DNAJC3: variants seen among roughly 807,000 people sequenced by gnomAD.
DNAJC3 encodes dnaJ homolog subfamily C member 3.
In DNAJC3, 38 loss-of-function variants were observed where a neutral mutation model predicts 68.6. The observed-to-expected ratio is 0.55, with a 90% CI of 0.43 to 0.73. The LOEUF (loss-of-function observed/expected upper bound fraction) is 0.73. Ranked by LOEUF, DNAJC3 falls within the 30% of genes least tolerant of loss-of-function variation. The pLI, the probability that DNAJC3 is intolerant of heterozygous loss-of-function variation, is 0.00. For missense variants in DNAJC3, 526 were observed against 591.9 expected (o/e 0.89, Z 1.16); for synonymous variants, 203 against 204.0 (o/e 1.00, Z 0.04).
At chr13:95,697,351 A>G (rs997809227) in intron 1 of DNAJC3, among the ~76,000 whole-genome samples, 10 of 152,220 alleles carry the variant, frequency 6.6e-5, no homozygotes, top group Non-Finnish European at 1.5e-4. Context: ...GTCTAAAAAG[A>G]GGCCCCAAAC....
intron 4 of DNAJC3, among the ~76,000 whole-genome samples, chr13:95,726,936 G>A (rs1881545111): frequency 6.6e-6 from 1 of 152,124 alleles, no homozygotes; most frequent in South Asian, 2.1e-4. Flanking sequence ...TAATTGTATT[G>A]GATCAGAAAC....
intron 9 of DNAJC3, among the ~76,000 whole-genome samples, chr13:95,782,887 C>G (rs1255507644): frequency 1.3e-5 from 2 of 152,108 alleles, no homozygotes; most frequent in Non-Finnish European, 2.9e-5. Context: ...AAGTCTTTGC[C>G]CATGCCTGTG....
chr13:95,728,315 T>C (rs1220833155), intron 4 of DNAJC3, among the ~76,000 whole-genome samples: 1 of 152,240 alleles, frequency 6.6e-6, no homozygotes, highest in Non-Finnish European at 1.5e-5. Flanking sequence ...CATTTTACAT[T>C]CCTCTGCATC....
chr13:95,726,901 T>C (rs961939243), intron 4 of DNAJC3, among the ~76,000 whole-genome samples: 8 of 152,250 alleles, frequency 5.3e-5, no homozygotes, highest in African/African-American at 1.7e-4. Flanking sequence ...CTGTCATCTG[T>C]GGATAAATCC....
chr13:95,752,177 G>A (rs1425235026), intron 4 of DNAJC3, among the ~76,000 whole-genome samples: 1 of 152,128 alleles, frequency 6.6e-6, no homozygotes, highest in Non-Finnish European at 1.5e-5. Context: ...GTCTAGGACA[G>A]TGGTTCTTGG....
Position 95,679,115 on chromosome 13 carries a change from G to T in DNAJC3, c.82+1778G>T, listed in dbSNP as rs571022457. On this transcript the variant is annotated intron_variant, in intron 1 of 11. Transcript: ENST00000602402. Reference sequence around the variant, plus strand: ...TTACTAAAGTTCATTTTGTGTGCACGCTGGAGACAGAAGTTAAGTAGTTGA... The same window carrying T: ...TTACTAAAGTTCATTTTGTGTGCACTCTGGAGACAGAAGTTAAGTAGTTGA... 4.0e-5 allele frequency among the ~76,000 whole-genome samples: 6 copies of T among 149,528 alleles called. No individual in the cohort carries two copies. In the South Asian group the frequency reaches 1.2e-3, roughly 31 times the overall value.
intron 4 of DNAJC3, among the ~76,000 whole-genome samples, chr13:95,737,003 C>T (rs1228306823): frequency 6.6e-6 from 1 of 151,782 alleles, no homozygotes; most frequent in South Asian, 2.1e-4. Flanking sequence ...CCATCAATAC[C>T]TAATTTATTG....
chr13:95,779,349 C>G (rs780197597), intron 9 of DNAJC3, among the ~76,000 whole-genome samples: 1 of 152,042 alleles, frequency 6.6e-6, no homozygotes, highest in Non-Finnish European at 1.5e-5. Flanking sequence ...TGGTCTCGAT[C>G]TCCTGACCTC....
At chr13:95,746,598 A>G (rs867092236) in intron 4 of DNAJC3, among the ~76,000 whole-genome samples, 4 of 152,216 alleles carry the variant, frequency 2.6e-5, no homozygotes, top group Non-Finnish European at 5.9e-5. Context: ...CAGGATTCTT[A>G]TACTTTAATT....
intron 4 of DNAJC3, among the ~76,000 whole-genome samples, chr13:95,729,617 T>A (rs1057453876): frequency 6.6e-6 from 1 of 152,078 alleles, no homozygotes; most frequent in Non-Finnish European, 1.5e-5. Context: ...CTAATTTACA[T>A]TCCTGCCAAC....
At chr13:95,707,830 T>A (rs1450604572) in intron 1 of DNAJC3, among the ~76,000 whole-genome samples, 7 of 152,142 alleles carry the variant, frequency 4.6e-5, no homozygotes, top group Non-Finnish European at 5.9e-5. Context: ...TTAGAGCTTA[T>A]TGGAGAAGGT....
intron 7 of DNAJC3, 68 bp from the exon 8 acceptor site, chr13:95,763,575 G>T: frequency 6.8e-7 from 1 of 1,461,000 alleles, no homozygotes; most frequent in Non-Finnish European, 9.4e-7. Flanking sequence ...GTGAAGAGGG[G>T]AGGAGCCTTT....
chr13:95,769,962 C>A (rs1042125769), intron 9 of DNAJC3, among the ~76,000 whole-genome samples: 1 of 152,120 alleles, frequency 6.6e-6, no homozygotes, highest in Admixed American at 6.5e-5. Context: ...GAAAAAGATA[C>A]AAGGCAGATT....
At chr13:95,766,742 T>C (rs1413115853) in intron 9 of DNAJC3, among the ~76,000 whole-genome samples, 1 of 151,700 alleles carries the variant, frequency 6.6e-6, no homozygotes, top group Non-Finnish European at 1.5e-5. Flanking sequence ...TAGCCCAGGC[T>C]GGAGTGCAGT....
At chr13:95,695,754 T>C (rs1880421512) in intron 1 of DNAJC3, 2 of 152,236 alleles carry the variant, frequency 1.3e-5, no homozygotes, top group South Asian at 4.1e-4. Context: ...AAACCAGAAA[T>C]GGAGAGTCTC....
At chr13:95,719,841 T>C (rs1380309321) in intron 2 of DNAJC3, among the ~76,000 whole-genome samples, 1 of 152,214 alleles carries the variant, frequency 6.6e-6, no homozygotes, top group Non-Finnish European at 1.5e-5. Flanking sequence ...TTATACACAG[T>C]CCTCTGTGGA....
chr13:95,710,198 G>C (rs909611139), intron 2 of DNAJC3, among the ~76,000 whole-genome samples: 2 of 150,900 alleles, frequency 1.3e-5, no homozygotes, highest in African/African-American at 4.9e-5. Context: ...TAGGTTCTTA[G>C]TGAAGGCTTA....
intron 2 of DNAJC3, among the ~76,000 whole-genome samples, chr13:95,720,057 T>G (rs975916061): frequency 7.2e-5 from 11 of 152,178 alleles, no homozygotes; most frequent in African/African-American, 2.7e-4. Context: ...TCTACAGATG[T>G]GGAACCCATG....
Position 95,787,117 on chromosome 13 carries a change from T to C in DNAJC3, c.1319T>C (p.Ile440Thr), listed in dbSNP as rs1883625003. 6.2e-7 allele frequency: 1 copy of C among 1,613,910 alleles called. No individual in the cohort carries two copies. The highest frequency in any genetic ancestry group is 8.5e-7 in the Non-Finnish European group (1 of 1,179,924). Reference protein sequence around the residue: ...EEKKKAEKKFIDIAAAKEVLS... With the variant: ...EEKKKAEKKFTDIAAAKEVLS... Reference sequence around the variant, plus strand: ...AAGAAAAAAGCTGAGAAAAAGTTCATTGATATAGCAGCTGCTAAAGAAGTC... The same window carrying C: ...AAGAAAAAAGCTGAGAAAAAGTTCACTGATATAGCAGCTGCTAAAGAAGTC... The change falls in exon 11 of 12, where the codon ATT (isoleucine) becomes ACT (threonine). Residue 440 changes from isoleucine to threonine, a missense_variant. Coordinates refer to ENST00000602402, the MANE Select transcript of DNAJC3 (RefSeq NM_006260.5).
Sources: allele counts gnomAD v4.1 joint callset (sites outside exome capture counted in the v4.1 genomes callset), GRCh38; gene constraint gnomAD v4.1.1; transcripts MANE v1.5; gene names NCBI Gene and HGNC (gene_info 2026-07-23, HGNC 2026-07-21).